The following BCAR3 variants were observed in gnomAD, a reference collection of about 807,000 sequenced individuals.
BCAR3 encodes the protein BCAR3 adaptor protein, NSP family member.
BCAR3 carries 37 observed loss-of-function variants against 80.1 expected under a neutral mutation model. That is an observed-to-expected ratio of 0.46 (90% confidence interval 0.36 to 0.61). The LOEUF (loss-of-function observed/expected upper bound fraction) is 0.61, where lower values mean the gene tolerates loss of function less well. BCAR3 is among the 20% of genes least tolerant of loss of function. BCAR3 has a pLI of 0.00. For missense variants in BCAR3, 978 were observed against 1,068.2 expected (o/e 0.92, Z 1.18); for synonymous variants, 389 against 418.9 (o/e 0.93, Z 0.87).
chr1:93,598,435 A>C (rs546596679), intron 3 of BCAR3, among the ~76,000 whole-genome samples: 1 of 152,336 alleles, frequency 6.6e-6, no homozygotes, highest in African/African-American at 2.4e-5. Flanking sequence ...TAAATTGTGC[A>C]AATCGGCAGG....
chr1:93,701,995 T>C (rs1403143074), intron 3 of BCAR3, among the ~76,000 whole-genome samples: 1 of 152,128 alleles, frequency 6.6e-6, no homozygotes, highest in Admixed American at 6.5e-5. Context: ...CAGGAGCCTG[T>C]GGCTTGGGGT....
chr1:93,623,738 T>C (rs1197919079), intron 3 of BCAR3, among the ~76,000 whole-genome samples: 1 of 152,226 alleles, frequency 6.6e-6, no homozygotes, highest in African/African-American at 2.4e-5. Flanking sequence ...AATTTGGGTT[T>C]ACAGGCTCAC....
In BCAR3 at chr1:93,755,210, AAAAT is replaced by A. The variant is rs375232426; in HGVS notation, c.-62-49072_-62-49069del. 9.2e-5 allele frequency among the ~76,000 whole-genome samples: 14 copies of A among 152,380 alleles called. No individual in the cohort carries two copies. The East Asian group carries it at 2.5e-3, about 27-fold the overall frequency. On this transcript the variant is annotated intron_variant, in intron 2 of 13. Transcript: ENST00000370244. ...TTATGAAAGAATCAAAAAAGTTAAA[AAAAT>A]AAAACATTTATAAAGTTAAAAAGTT...
intron 2 of BCAR3, among the ~76,000 whole-genome samples, chr1:93,799,867 T>G (rs1227349375): frequency 1.3e-5 from 2 of 152,234 alleles, no homozygotes; most frequent in Non-Finnish European, 2.9e-5. Flanking sequence ...TGTCAGGACC[T>G]ACTGGTATGC....
intron 3 of BCAR3, among the ~76,000 whole-genome samples, chr1:93,692,287 G>A (rs1310074967): frequency 6.6e-6 from 1 of 152,128 alleles, no homozygotes; most frequent in African/African-American, 2.4e-5. Context: ...AGCTGCTGTG[G>A]GGCACTGCTT....
intron 2 of BCAR3, chr1:93,648,656 C>T (rs922772787): frequency 6.6e-6 from 1 of 152,202 alleles, no homozygotes; most frequent in Non-Finnish European, 1.5e-5. Flanking sequence ...ATTAAACCTT[C>T]CTAATTCATA....
chr1:93,719,735 C>A (rs1407726960), intron 2 of BCAR3, among the ~76,000 whole-genome samples: 1 of 152,038 alleles, frequency 6.6e-6, no homozygotes, highest in Non-Finnish European at 1.5e-5. Context: ...GTGGAGAAGT[C>A]CTTTGAACCT....
intron 2 of BCAR3, among the ~76,000 whole-genome samples, chr1:93,708,895 C>T (rs1374991061): frequency 1.3e-5 from 2 of 152,184 alleles, no homozygotes; most frequent in East Asian, 3.8e-4. Context: ...TTAGCAAGCA[C>T]TGGCAGTACT....
At chr1:93,769,096 A>T in intron 2 of BCAR3, among the ~76,000 whole-genome samples, 1 of 152,118 alleles carries the variant, frequency 6.6e-6, no homozygotes, top group East Asian at 1.9e-4. Context: ...ATAATTTCCC[A>T]ACCCTGGGGG....
At chr1:93,670,384 C>G (rs1252961589) in intron 2 of BCAR3, among the ~76,000 whole-genome samples, 2 of 152,178 alleles carry the variant, frequency 1.3e-5, no homozygotes, top group African/African-American at 4.8e-5. Context: ...CCTTCCAGGC[C>G]TGCCTTCTGC....
chr1:93,788,122 A>G (rs1380894951), intron 2 of BCAR3, among the ~76,000 whole-genome samples: 1 of 152,100 alleles, frequency 6.6e-6, no homozygotes, highest in African/African-American at 2.4e-5. Context: ...GTCTGATATA[A>G]GAATAGCTAC....
intron 2 of BCAR3, among the ~76,000 whole-genome samples, chr1:93,812,030 T>C (rs1201712115): frequency 2.0e-5 from 3 of 152,356 alleles, no homozygotes; most frequent in Middle Eastern, 3.4e-3. Context: ...AGGAGACTTT[T>C]GAAGATGTTC....
chr1:93,682,596 C>A (rs556799021), upstream of BCAR3, among the ~76,000 whole-genome samples: 1 of 152,214 alleles, frequency 6.6e-6, no homozygotes, highest in South Asian at 2.1e-4. Flanking sequence ...GTCTTGTTGC[C>A]CAAGCTGTTG....
At chr1:93,608,059 CAG>C (rs1557858239) in intron 3 of BCAR3, among the ~76,000 whole-genome samples, 1 of 152,192 alleles carries the variant, frequency 6.6e-6, no homozygotes, top group Admixed American at 6.5e-5. Context: ...ACTGAGAATC[CAG>C]ATTTTACTCA....
rs751548960 is a variant in BCAR3 at position 93,567,423 on chromosome 1, G to A, written c.2155C>T (p.Arg719Cys). ...LLMPLVTLME[R>C]QAVTFEGTDM... The stretch of plus-strand genomic sequence containing the variant: ...GTTCCTTCAAAAGTCACAGCCTGGC[G>A]CTCCATTAACGTCACAAGCGGCATC... The change falls in exon 11 of 12, where the codon CGC becomes TGC. Residue 719 changes from arginine (R) to cysteine (C), a missense_variant. Coordinates refer to ENST00000260502, the MANE Select transcript of BCAR3 (RefSeq NM_003567.4). 1.4e-5 allele frequency: 23 copies of A among 1,614,020 alleles called. No homozygotes were observed. Among genetic ancestry groups the A allele is most frequent in the Admixed American group, 1.2e-4 (7 of 59,996 alleles).
In BCAR3 at chr1:93,586,823, G is replaced by T. The variant is rs1673960324; in HGVS notation, c.929+2154C>A. Among the ~76,000 whole-genome samples, 1 of 152,184 alleles carries T rather than the reference G, an allele frequency of 6.6e-6. No individual in the cohort carries two copies. Among genetic ancestry groups the T allele is most frequent in the Non-Finnish European group, 1.5e-5 (1 of 68,036 alleles). ...AATCATGTTGAACACCTTTTCATAT[G>T]CCTGTTTGCCACTGCAGTGGCATGA... On this transcript the variant is annotated intron_variant, in intron 5 of 11. Transcript: ENST00000260502. The surrounding 1 kb of genome is among the most constrained non-coding windows in gnomAD (Gnocchi z 4.2).
chr1:93,582,837 A>C lies in BCAR3; in HGVS notation c.1150T>G (p.Ser384Ala). 6.2e-7 allele frequency: 1 copy of C among 1,613,368 alleles called. No individual in the cohort carries two copies. The highest frequency in any genetic ancestry group is 8.5e-7 in the Non-Finnish European group (1 of 1,179,904). The change falls in exon 7 of 12, where the codon TCA becomes GCA. Residue 384 changes from serine (S) to alanine (A), a missense_variant. Physicochemically the swap from Ser to Ala is moderately conservative, Grantham distance 99. Coordinates refer to ENST00000260502, the MANE Select transcript of BCAR3 (RefSeq NM_003567.4). ...AGCGCCTCCCCAGCCCTGGCGTCTG[A>C]GGAGACCCTCCGAACCACTGCTGGG... ...LSPAVVRRVS[S>A]DARAGEALRG...
intron 10 of BCAR3, 59 bp downstream of exon 10, chr1:93,567,681 G>A: frequency 1.3e-6 from 2 of 1,514,770 alleles, no homozygotes; most frequent in Non-Finnish European, 1.8e-6. Flanking sequence ...CATGCCCTGT[G>A]TACTTGTACT....
intron 2 of BCAR3, among the ~76,000 whole-genome samples, chr1:93,798,220 G>T (rs1235126541): frequency 6.6e-6 from 1 of 152,154 alleles, no homozygotes; most frequent in Non-Finnish European, 1.5e-5. Context: ...ATTATATTTT[G>T]CAAGTTGGGG....
Sources: allele counts gnomAD v4.1 joint callset (sites outside exome capture counted in the v4.1 genomes callset), GRCh38; gene constraint gnomAD v4.1.1; non-coding constraint Gnocchi (gnomAD v3.1); transcripts MANE v1.5; gene names NCBI Gene and HGNC (gene_info 2026-07-23, HGNC 2026-07-21).